Variants in TMEM232 observed in about 807,000 individuals in gnomAD.
TMEM232 encodes transmembrane protein 232.
A neutral mutation model predicts 78.8 loss-of-function variants in TMEM232; 80 were observed. That is an observed-to-expected ratio of 1.01 (90% CI 0.85 to 1.22). The LOEUF (loss-of-function observed/expected upper bound fraction) is 1.22. Among genes scored for constraint, TMEM232 ranks in the 50% most tolerant of loss-of-function variants. TMEM232 has a pLI of 0.00. For synonymous variants in TMEM232, 297 were observed against 254.3 expected (o/e 1.17, Z -1.60); for missense variants, 881 against 742.2 (o/e 1.19, Z -2.17).
intron 2 of TMEM232, among the ~76,000 whole-genome samples, chr5:110,412,506 T>C (rs974296471): frequency 2.0e-5 from 3 of 151,914 alleles, no homozygotes; most frequent in East Asian, 3.9e-4. Context: ...GTCGAATATG[T>C]GACTTAAAAA....
chr5:110,411,145 C>G (rs1186810686), intron 2 of TMEM232, among the ~76,000 whole-genome samples: 1 of 152,106 alleles, frequency 6.6e-6, no homozygotes, highest in Non-Finnish European at 1.5e-5. Context: ...GCCCATGTTC[C>G]TCTAGTTTGC....
chr5:110,482,292 T>G (rs1763954914), intron 12 of TMEM232, among the ~76,000 whole-genome samples: 1 of 151,976 alleles, frequency 6.6e-6, no homozygotes, highest in African/African-American at 2.4e-5. Context: ...TAAAAAAAAT[T>G]TAATTTGGCC....
At chr5:110,454,502 A>T (rs1405567190) in intron 12 of TMEM232, among the ~76,000 whole-genome samples, 1 of 152,138 alleles carries the variant, frequency 6.6e-6, no homozygotes, top group African/African-American at 2.4e-5. Context: ...CTCTAAGGAA[A>T]AAAAAAAGTA....
chr5:110,456,711 A>G lies in TMEM232; in HGVS notation c.1704-31795T>C, dbSNP rs180793119. ...TGGAACAGAAAAAGATTTGAGAAACATACCTGCACATACACAGTCAACTGC... is the reference window on the plus strand; with the variant it reads ...TGGAACAGAAAAAGATTTGAGAAACGTACCTGCACATACACAGTCAACTGC... On this transcript the variant is annotated intron_variant, in intron 12 of 13. Coordinates refer to ENST00000455884, the MANE Select transcript of TMEM232 (RefSeq NM_001039763.4). Among the ~76,000 whole-genome samples the G allele has an allele frequency of 3.9e-5, 6 of 152,266 alleles. No homozygotes were observed. In the East Asian group the frequency reaches 1.2e-3, roughly 29 times the overall value.
At chr5:110,673,983 G>A (rs1791695418) in intron 1 of TMEM232, among the ~76,000 whole-genome samples, 1 of 74,246 alleles carries the variant, frequency 1.3e-5, no homozygotes, top group Non-Finnish European at 2.6e-5. Flanking sequence ...AAATAAAGAG[G>A]TAACATGAAA....
chr5:110,531,208 G>T (rs1308679679), intron 11 of TMEM232, among the ~76,000 whole-genome samples: 1 of 151,276 alleles, frequency 6.6e-6, no homozygotes, highest in Non-Finnish European at 1.5e-5. Context: ...CCTATAAAAT[G>T]GCCCCACCCC....
chr5:110,403,194 GA>G, intron 2 of TMEM232, among the ~76,000 whole-genome samples: 1 of 152,150 alleles, frequency 6.6e-6, no homozygotes, highest in East Asian at 1.9e-4. Context: ...CAATTCCAGA[GA>G]AAATTTTTTA....
At chr5:110,659,780 T>C (rs75218092) in intron 2 of TMEM232, among the ~76,000 whole-genome samples, 4,251 of 152,232 alleles carry the variant, frequency 0.028, 158 homozygotes, top group African/African-American at 0.086. Context: ...TAAGATATAA[T>C]TTGTTAATTC....
At chr5:110,685,322 C>T (rs759209265) in intron 1 of TMEM232, among the ~76,000 whole-genome samples, 2 of 151,702 alleles carry the variant, frequency 1.3e-5, no homozygotes, top group Non-Finnish European at 2.9e-5. Context: ...AAGTAGACCC[C>T]AAAAAAGTGG....
intron 1 of TMEM232, among the ~76,000 whole-genome samples, chr5:110,719,204 T>G (rs1377623951): frequency 6.6e-6 from 1 of 151,836 alleles, no homozygotes; most frequent in Admixed American, 6.6e-5. Context: ...TATGTATATA[T>G]ATGTGTATAT....
intron 2 of TMEM232, among the ~76,000 whole-genome samples, chr5:110,647,286 G>A (rs1787630057): frequency 6.6e-6 from 1 of 151,852 alleles, no homozygotes; most frequent in Non-Finnish European, 1.5e-5. Flanking sequence ...TGCCAATCTT[G>A]TCAAGACTTA....
chr5:110,568,667 C>T, intron 10 of TMEM232, 42 bp from the exon 11 acceptor site: 9 of 1,497,770 alleles, frequency 6.0e-6, no homozygotes, highest in Non-Finnish European at 8.0e-6. Context: ...TCATTTTATT[C>T]ACCTTGCTAA....
intron 12 of TMEM232, among the ~76,000 whole-genome samples, chr5:110,479,867 C>T (rs1763675270): frequency 6.6e-6 from 1 of 151,808 alleles, no homozygotes; most frequent in Non-Finnish European, 1.5e-5. Context: ...CACTTAAATT[C>T]ACACCCACAT....
chr5:110,694,887 G>T (rs915373236), intron 1 of TMEM232, among the ~76,000 whole-genome samples: 1 of 152,152 alleles, frequency 6.6e-6, no homozygotes, highest in African/African-American at 2.4e-5. Flanking sequence ...ACATTAGACA[G>T]ATCAAAGAGA....
At chr5:110,711,037 G>A (rs1001843503) in intron 1 of TMEM232, among the ~76,000 whole-genome samples, 15 of 152,106 alleles carry the variant, frequency 9.9e-5, no homozygotes, top group African/African-American at 2.9e-4. Flanking sequence ...ACCAAAAAAC[G>A]ATTAGAACTG....
At chr5:110,479,576 A>G (rs1203716546) in intron 12 of TMEM232, among the ~76,000 whole-genome samples, 2 of 151,836 alleles carry the variant, frequency 1.3e-5, no homozygotes, top group African/African-American at 4.8e-5. Flanking sequence ...GATTCTTTGG[A>G]TCAACAGTAT....
At chr5:110,408,820 T>C (rs1440642945) in intron 2 of TMEM232, among the ~76,000 whole-genome samples, 1 of 152,002 alleles carries the variant, frequency 6.6e-6, no homozygotes, top group Admixed American at 6.6e-5. Context: ...TTTTTGCACT[T>C]TTTTTGCTAT....
At chr5:110,605,558 T>C (rs1187749694) in intron 9 of TMEM232, among the ~76,000 whole-genome samples, 200 bp from the exon 10 acceptor site, 1 of 152,146 alleles carries the variant, frequency 6.6e-6, no homozygotes, top group African/African-American at 2.4e-5. Flanking sequence ...AATAATTATA[T>C]ATAGAACAAC....
chr5:110,564,572 T>C (rs1347187810), intron 11 of TMEM232, among the ~76,000 whole-genome samples: 2 of 151,914 alleles, frequency 1.3e-5, no homozygotes, highest in African/African-American at 2.4e-5. Context: ...GCCATCCAAA[T>C]TGAGGAACTT....
Sources: allele counts gnomAD v4.1 joint callset (sites outside exome capture counted in the v4.1 genomes callset), GRCh38; gene constraint gnomAD v4.1.1; transcripts MANE v1.5; gene names NCBI Gene and HGNC (gene_info 2026-07-23, HGNC 2026-07-21).